Variants in APBB2 observed in about 807,000 individuals in gnomAD.
APBB2 encodes the protein Fe65-like 1.
APBB2 carries 38 observed loss-of-function variants against 82.5 expected under a neutral mutation model. The observed-to-expected ratio is 0.46, with a 90% CI of 0.36 to 0.60. APBB2 has a LOEUF of 0.60. Among genes scored for constraint, APBB2 ranks in the 20% least tolerant of loss-of-function variants. The probability of loss-of-function intolerance (pLI) is 0.00; values close to 1 mark genes in which losing one functional copy is unlikely to be tolerated. For synonymous variants in APBB2, 341 were observed against 368.2 expected (o/e 0.93, Z 0.85); for missense variants, 772 against 972.3 (o/e 0.79, Z 2.74).
chr4:40,858,969 G>C (rs1234808817), intron 12 of APBB2, among the ~76,000 whole-genome samples: 1 of 152,206 alleles, frequency 6.6e-6, no homozygotes, highest in East Asian at 1.9e-4. Flanking sequence ...ACAGCAGCAA[G>C]CTCAGAGATA....
intron 2 of APBB2, among the ~76,000 whole-genome samples, chr4:41,114,346 C>T (rs141062709): frequency 0.07 from 10,588 of 152,234 alleles, 529 homozygotes; most frequent in Non-Finnish European, 0.1. Context: ...TTATTTATGA[C>T]AAACCCACAG....
At chr4:41,191,895 C>T (rs1037099924) in intron 1 of APBB2, among the ~76,000 whole-genome samples, 69 of 151,924 alleles carry the variant, frequency 4.5e-4, no homozygotes, top group African/African-American at 1.5e-3. Context: ...ATGGCGGTCA[C>T]GATCCAAAAT....
intron 6 of APBB2, among the ~76,000 whole-genome samples, chr4:41,008,761 T>C (rs1807503623): frequency 6.6e-6 from 1 of 152,204 alleles, no homozygotes; most frequent in Non-Finnish European, 1.5e-5. Flanking sequence ...TTATCCCCAT[T>C]TTATAGATGA....
At chr4:40,960,306 A>T (rs1792751832) in intron 6 of APBB2, among the ~76,000 whole-genome samples, 2 of 152,214 alleles carry the variant, frequency 1.3e-5, no homozygotes, top group Admixed American at 6.5e-5. Context: ...GGCAGGCTAT[A>T]TAAAACATAT....
chr4:40,862,173 G>T (rs1368234892), intron 12 of APBB2, among the ~76,000 whole-genome samples: 1 of 152,194 alleles, frequency 6.6e-6, no homozygotes, highest in African/African-American at 2.4e-5. Context: ...ATTTCAATTT[G>T]TTTGATTACA....
At chr4:40,915,940 A>C (rs943337839) in intron 10 of APBB2, among the ~76,000 whole-genome samples, 1 of 152,174 alleles carries the variant, frequency 6.6e-6, no homozygotes, top group African/African-American at 2.4e-5. Context: ...TGGAGCTGGC[A>C]CTGCAGGGTC....
At chr4:41,034,695 A>T (rs1240687764) in intron 4 of APBB2, among the ~76,000 whole-genome samples, 1 of 152,266 alleles carries the variant, frequency 6.6e-6, no homozygotes, top group Non-Finnish European at 1.5e-5. Flanking sequence ...AATTTGAGTA[A>T]CATTTTTAAA....
intron 10 of APBB2, among the ~76,000 whole-genome samples, chr4:40,930,669 A>AT (rs1784013739): frequency 6.6e-6 from 1 of 152,130 alleles, no homozygotes; most frequent in African/African-American, 2.4e-5. Context: ...TAAGGAAGAT[A>AT]TTTTCTATAA....
At chr4:40,897,066 A>T (rs1773872689) in intron 10 of APBB2, among the ~76,000 whole-genome samples, 1 of 152,208 alleles carries the variant, frequency 6.6e-6, no homozygotes, top group Non-Finnish European at 1.5e-5. Flanking sequence ...AACAACAAAG[A>T]AGGTAAAAAA....
intron 6 of APBB2, among the ~76,000 whole-genome samples, chr4:40,998,804 A>G (rs1346403734): frequency 1.3e-5 from 2 of 152,280 alleles, no homozygotes; most frequent in Non-Finnish European, 2.9e-5. Context: ...AAGCACTGCA[A>G]TGCTACAACA....
chr4:41,152,197 G>A (rs2154028323), intron 1 of APBB2, among the ~76,000 whole-genome samples: 1 of 152,016 alleles, frequency 6.6e-6, no homozygotes, highest in South Asian at 2.1e-4. Context: ...TTTGCATTTA[G>A]TTGTGATTAC....
chr4:41,020,008 A>T (rs1400584721), intron 5 of APBB2, among the ~76,000 whole-genome samples: 3 of 152,154 alleles, frequency 2.0e-5, no homozygotes, highest in Admixed American at 2.0e-4. Flanking sequence ...AGAGACAGAA[A>T]GTCAAAGAGA....
At chr4:40,880,301 C>T in intron 12 of APBB2, 1 of 985,420 alleles carries the variant, frequency 1.0e-6, no homozygotes, top group Non-Finnish European at 1.2e-6. Flanking sequence ...TTCTTCTTTC[C>T]CAGTGACGAA....
At chr4:40,950,701 A>T (rs1789890942) in intron 6 of APBB2, among the ~76,000 whole-genome samples, 1 of 151,992 alleles carries the variant, frequency 6.6e-6, no homozygotes, top group Non-Finnish European at 1.5e-5. Flanking sequence ...AAATTAGCCG[A>T]GTGTGGTTGC....
At chr4:40,989,462 AG>A in intron 6 of APBB2, among the ~76,000 whole-genome samples, 1 of 152,248 alleles carries the variant, frequency 6.6e-6, no homozygotes, top group African/African-American at 2.4e-5. Flanking sequence ...AACAATGTGC[AG>A]ATGAGCTTAG....
At chr4:41,109,206 A>G (rs1374421132) in intron 2 of APBB2, among the ~76,000 whole-genome samples, 1 of 152,140 alleles carries the variant, frequency 6.6e-6, no homozygotes, top group African/African-American at 2.4e-5. Flanking sequence ...CTAGGCTGCA[A>G]TGGGCTACAA....
intron 1 of APBB2, among the ~76,000 whole-genome samples, chr4:41,158,096 A>G (rs1339117983): frequency 6.6e-6 from 1 of 152,152 alleles, no homozygotes; most frequent in Non-Finnish European, 1.5e-5. Context: ...GTGGGGACAA[A>G]AAAAATGGAC....
intron 1 of APBB2, among the ~76,000 whole-genome samples, chr4:41,171,510 G>C (rs1410721769): frequency 6.6e-6 from 1 of 152,170 alleles, no homozygotes. Context: ...GACAAAACAG[G>C]GCCAAGAACC....
At chr4:41,057,293 A>T (rs1402808856) in intron 4 of APBB2, among the ~76,000 whole-genome samples, 1 of 152,080 alleles carries the variant, frequency 6.6e-6, no homozygotes, top group African/African-American at 2.4e-5. Context: ...TCTACTAAAA[A>T]TACAAAAATT....
Sources: gnomAD v4.1 joint callset for allele counts (sites outside exome capture counted in the v4.1 genomes callset) on GRCh38, gnomAD v4.1.1 for gene constraint, MANE v1.5 for transcripts, NCBI Gene and HGNC (gene_info 2026-07-23, HGNC 2026-07-21) for gene names.